PPP4R1: variants seen among roughly 807,000 people sequenced by gnomAD.
PPP4R1 encodes the protein protein phosphatase 4 regulatory subunit 1.
PPP4R1 carries 42 observed loss-of-function variants against 111.2 expected under a neutral mutation model. The observed-to-expected ratio is 0.38, with a 90% CI of 0.29 to 0.49. The LOEUF is 0.49. PPP4R1 is among the 20% of genes least tolerant of loss of function. The probability of loss-of-function intolerance (pLI) is 0.97; values close to 1 mark genes in which losing one functional copy is unlikely to be tolerated. For synonymous variants in PPP4R1, 409 were observed against 405.5 expected, an observed-to-expected ratio of 1.01 and a Z score of -0.10; for missense variants, 1,012 against 1,161.6, an observed-to-expected ratio of 0.87 and a Z score of 1.87.
intron 2 of PPP4R1, among the ~76,000 whole-genome samples, chr18:9,607,624 T>TTAA (rs2067503327): frequency 6.6e-6 from 1 of 151,980 alleles, no homozygotes; most frequent in South Asian, 2.1e-4. Flanking sequence ...AAGCCACAAA[T>TTAA]TAATACTATT....
intron 9 of PPP4R1, among the ~76,000 whole-genome samples, chr18:9,581,094 A>G (rs989956025): frequency 6.6e-6 from 1 of 152,124 alleles, no homozygotes; most frequent in Non-Finnish European, 1.5e-5. Flanking sequence ...CCCATGGGGG[A>G]GCGAGGACAA....
At chr18:9,591,285 T>C (rs1380961143) in intron 4 of PPP4R1, among the ~76,000 whole-genome samples, 1 of 151,260 alleles carries the variant, frequency 6.6e-6, no homozygotes, top group Non-Finnish European at 1.5e-5. Flanking sequence ...AGAAGAAGGT[T>C]GTAGTGAGCC....
rs1598913050 is a variant in PPP4R1 at position 9,570,602 on chromosome 18, A to G, written c.1128T>C (p.Ser376=). ...TPSDLSVSNS[S]VILENTMEDH... is the part of the protein sequence containing the mutation. ...CTTCCATCGTGTTTTCCAGTATGACACTGGAATTACTAACACTGAGATCTG... is the reference window on the plus strand; with the variant it reads ...CTTCCATCGTGTTTTCCAGTATGACGCTGGAATTACTAACACTGAGATCTG... Residue 376 remains serine (S), a synonymous_variant, in exon 11 of 20, where the codon AGT becomes AGC. Transcript: ENST00000400556. 6.2e-7 allele frequency: 1 copy of G among 1,614,116 alleles called. No individual in the cohort carries two copies.
chr18:9,551,073 A>G (rs926821459), intron 16 of PPP4R1: 1 of 152,262 alleles, frequency 6.6e-6, no homozygotes, highest in African/African-American at 2.4e-5. Context: ...GCAATGATAA[A>G]TGCACCTGTG....
intron 2 of PPP4R1, among the ~76,000 whole-genome samples, chr18:9,601,747 C>G (rs999292050): frequency 2.0e-5 from 3 of 152,034 alleles, no homozygotes; most frequent in Non-Finnish European, 4.4e-5. Flanking sequence ...CCCGCCCTGG[C>G]CTCCCAAAGT....
In PPP4R1 at chr18:9,584,845, C is replaced by T. The variant is rs2067090512; in HGVS notation, c.586-17G>A. 2 of 1,547,054 alleles carry T rather than the reference C, an allele frequency of 1.3e-6. No homozygotes were observed. The highest frequency in any genetic ancestry group is 1.8e-5 in the Admixed American group (1 of 57,124). ...GCACATTATCTAAAATAAGTAAGAA[C>T]AAACACACACTGAAAATATCAAGTA... On this transcript the variant is annotated splice_polypyrimidine_tract_variant and intron_variant, in intron 6 of 19. Coordinates refer to ENST00000400556, the MANE Select transcript of PPP4R1 (RefSeq NM_001042388.3).
upstream of PPP4R1, chr18:9,614,624 C>A: frequency 3.0e-6 from 1 of 331,818 alleles, no homozygotes; most frequent in Non-Finnish European, 4.2e-6. The surrounding 1 kb of genome is among the most constrained non-coding windows in gnomAD (Gnocchi z 4.1). Context: ...GCGCGCGGGG[C>A]GGGCCGAGGG....
chr18:9,614,178 G>A lies in PPP4R1; in HGVS notation c.52+48C>T, dbSNP rs1257712391. 2 of 1,306,444 alleles carry A rather than the reference G, an allele frequency of 1.5e-6. No individual in the cohort carries two copies. Among genetic ancestry groups the A allele is most frequent in the African/African-American group, 1.6e-5 (1 of 63,328 alleles). 80.9% of individuals were successfully genotyped at this position (1,306,444 alleles called of 1,614,324 possible). On this transcript the variant is annotated intron_variant, in intron 2 of 19. Coordinates refer to ENST00000400556, the MANE Select transcript of PPP4R1 (RefSeq NM_001042388.3). The surrounding 1 kb of genome is among the most constrained non-coding windows in gnomAD (Gnocchi z 4.1). ...GGCCTCGCCGCCGCCCGCCCTCCCC[G>A]GCCGCTCCCCGCGGACTGCCAGGCC...
chr18:9,577,549 C>T (rs1028988757), intron 9 of PPP4R1, among the ~76,000 whole-genome samples: 4 of 152,124 alleles, frequency 2.6e-5, no homozygotes, highest in Non-Finnish European at 5.9e-5. Flanking sequence ...CCTGTGGTCC[C>T]AGCTACTCGG....
intron 5 of PPP4R1, 67 bp downstream of exon 5, chr18:9,588,644 G>T: frequency 7.2e-7 from 1 of 1,394,720 alleles, no homozygotes; most frequent in Non-Finnish European, 9.7e-7. Context: ...GAACACTTAG[G>T]CTCGGCTATT....
At chr18:9,576,968 A>C (rs1181316149) in intron 10 of PPP4R1, 96 bp downstream of exon 10, 1 of 1,196,200 alleles carries the variant, frequency 8.4e-7, no homozygotes, top group Non-Finnish European at 1.2e-6. Flanking sequence ...AACTATCAAA[A>C]AATAACATTT....
chr18:9,576,814 A>G (rs1289119250), intron 10 of PPP4R1, among the ~76,000 whole-genome samples: 2 of 152,184 alleles, frequency 1.3e-5, no homozygotes, highest in South Asian at 2.1e-4. Context: ...AGAGTTTCCT[A>G]TGTGCGAGGC....
At chr18:9,582,460 A>C (rs556454588) in intron 9 of PPP4R1, among the ~76,000 whole-genome samples, 2 of 152,318 alleles carry the variant, frequency 1.3e-5, no homozygotes, top group East Asian at 1.9e-4. Context: ...AGAAAGATAC[A>C]AACTATGAAA....
chr18:9,605,552 T>C (rs1228657007), intron 2 of PPP4R1, among the ~76,000 whole-genome samples: 1 of 118,790 alleles, frequency 8.4e-6, no homozygotes. Context: ...CTATCACTTA[T>C]GTAGCAGTCC....
chr18:9,598,776 T>C (rs980210357), intron 2 of PPP4R1, among the ~76,000 whole-genome samples: 1 of 152,100 alleles, frequency 6.6e-6, no homozygotes, highest in Non-Finnish European at 1.5e-5. Flanking sequence ...TGTAATCTTA[T>C]CACTTTGAGA....
chr18:9,549,166 A>G, intron 19 of PPP4R1, 31 bp downstream of exon 19: 2 of 1,600,276 alleles, frequency 1.2e-6, no homozygotes, highest in Non-Finnish European at 1.7e-6. Flanking sequence ...TTCTCTACTC[A>G]CACGCTTCTT....
chr18:9,583,454 C>T lies in PPP4R1; in HGVS notation c.760-179G>A, dbSNP rs186765325. The stretch of plus-strand genomic sequence containing the variant: ...CGATCTTGGCTCACTGCAAACTCCA[C>T]CTCCTGGGTTCCAGCAATTCTCCTG... On this transcript the variant is annotated intron_variant, in intron 8 of 19. Transcript: ENST00000400556. 3.9e-4 allele frequency among the ~76,000 whole-genome samples: 59 copies of T among 152,328 alleles called. 1 individual carries two copies. Among genetic ancestry groups the T allele is most frequent in the African/African-American group, 1.3e-3 (55 of 41,572 alleles).
Position 9,593,817 on chromosome 18 carries a change from T to C in PPP4R1, c.246A>G (p.Arg82=), listed in dbSNP as rs755430706. 12 of 1,613,766 alleles carry C rather than the reference T, an allele frequency of 7.4e-6. No individual in the cohort carries two copies. In the Admixed American group the frequency reaches 2.0e-4, roughly 27 times the overall value. ...TTCTTTCCAAAACAGCAATACAATC[T>C]CTTTCATCATCGCAGACTTCCCTCA... ...DTLREVCDDE[R]DCIAVLERIS... is the part of the protein sequence containing the mutation. Residue 82 remains arginine (R), a synonymous_variant, in exon 4 of 20, where the codon AGA becomes AGG. Transcript: ENST00000400556.
At chr18:9,599,231 T>C (rs2067340008) in intron 2 of PPP4R1, among the ~76,000 whole-genome samples, 1 of 152,170 alleles carries the variant, frequency 6.6e-6, no homozygotes, top group Non-Finnish European at 1.5e-5. Context: ...AAGTATACTG[T>C]TATAAAGCTC....
Sources: gnomAD v4.1 joint callset for allele counts (sites outside exome capture counted in the v4.1 genomes callset) on GRCh38, gnomAD v4.1.1 for gene constraint, Gnocchi (gnomAD v3.1) non-coding constraint, MANE v1.5 for transcripts, NCBI Gene and HGNC (gene_info 2026-07-23, HGNC 2026-07-21) for gene names.